The following PDE4B variants were observed in gnomAD, a reference collection of about 807,000 sequenced individuals.
PDE4B encodes the protein phosphodiesterase 4B, also known as 3',5'-cyclic-AMP phosphodiesterase 4B.
Under a neutral mutation model 82.2 loss-of-function variants are expected in PDE4B, and 20 were observed. The ratio of observed to expected loss-of-function variants is 0.24; its 90% CI spans 0.17 to 0.35. The LOEUF is 0.35. Ranked by LOEUF, PDE4B falls within the 10% of genes least tolerant of loss-of-function variation. PDE4B has a pLI of 1.00. For synonymous variants in PDE4B, 320 were observed against 318.9 expected (o/e 1.00, Z -0.04); for missense variants, 655 against 907.2 (o/e 0.72, Z 3.57).
At chr1:66,154,150 A>G (rs900768798) in intron 3 of PDE4B, among the ~76,000 whole-genome samples, 1 of 152,132 alleles carries the variant, frequency 6.6e-6, no homozygotes, top group Non-Finnish European at 1.5e-5. Context: ...CTTGGTCCCA[A>G]TAGCACCTCG....
chr1:66,099,135 G>A (rs578055309), intron 3 of PDE4B, among the ~76,000 whole-genome samples: 4 of 152,184 alleles, frequency 2.6e-5, no homozygotes, highest in Non-Finnish European at 2.9e-5. Flanking sequence ...ACCTAGGTAT[G>A]GCCCCAGTGT....
chr1:66,305,222 G>A (rs780234074), intron 7 of PDE4B, among the ~76,000 whole-genome samples: 2 of 152,082 alleles, frequency 1.3e-5, no homozygotes, highest in South Asian at 4.1e-4. Flanking sequence ...GTCTGTAATT[G>A]AGCTTAAAAT....
chr1:66,157,729 G>T (rs1197342448), intron 3 of PDE4B, among the ~76,000 whole-genome samples: 1 of 151,998 alleles, frequency 6.6e-6, no homozygotes, highest in Non-Finnish European at 1.5e-5. Context: ...ATTCCAAGAG[G>T]TTTGTTTTCT....
At chr1:65,925,341 A>G (rs1251426437) in intron 3 of PDE4B, among the ~76,000 whole-genome samples, 1 of 152,208 alleles carries the variant, frequency 6.6e-6, no homozygotes, top group Non-Finnish European at 1.5e-5. Flanking sequence ...ATTAAAAAAA[A>G]TTCCTTACTA....
intron 3 of PDE4B, among the ~76,000 whole-genome samples, chr1:66,226,289 G>T (rs1231217339): frequency 3.3e-5 from 3 of 90,936 alleles, no homozygotes; most frequent in Non-Finnish European, 8.3e-5. Flanking sequence ...TAGAGATATT[G>T]CAGGAACAAG....
At chr1:66,174,819 A>G (rs1646903003) in intron 3 of PDE4B, among the ~76,000 whole-genome samples, 1 of 152,104 alleles carries the variant, frequency 6.6e-6, no homozygotes, top group Non-Finnish European at 1.5e-5. Flanking sequence ...GGTAATTTAT[A>G]AAGAAAAGAG....
chr1:66,026,905 T>C (rs184976083), intron 3 of PDE4B, among the ~76,000 whole-genome samples: 1 of 152,234 alleles, frequency 6.6e-6, no homozygotes, highest in African/African-American at 2.4e-5. Context: ...AACATATGCC[T>C]GCAAAGGACT....
At chr1:65,796,955 AT>A (rs71058430) in intron 1 of PDE4B, among the ~76,000 whole-genome samples, 56,789 of 130,996 alleles carry the variant, frequency 0.43, 13,965 homozygotes, top group Non-Finnish European at 0.57. Flanking sequence ...AGCCTGAAAC[AT>A]TTTTTTTTTT....
intron 3 of PDE4B, among the ~76,000 whole-genome samples, chr1:66,098,842 T>C (rs1645165899): frequency 6.6e-6 from 1 of 152,126 alleles, no homozygotes; most frequent in Admixed American, 6.6e-5. Flanking sequence ...ATTATTGTGC[T>C]TTTAGCTTTC....
intron 3 of PDE4B, among the ~76,000 whole-genome samples, chr1:66,230,469 A>G (rs1039440589): frequency 2.0e-5 from 3 of 152,198 alleles, no homozygotes; most frequent in African/African-American, 7.2e-5. Flanking sequence ...TACAACTTTA[A>G]AAAATCAAAA....
intron 3 of PDE4B, among the ~76,000 whole-genome samples, chr1:65,953,388 G>A (rs905389501): frequency 6.6e-6 from 1 of 152,052 alleles, no homozygotes; most frequent in Non-Finnish European, 1.5e-5. Flanking sequence ...TTAAGTTCAG[G>A]GCTTGAGATG....
At chr1:66,242,671 T>C (rs1652978765) in intron 3 of PDE4B, among the ~76,000 whole-genome samples, 1 of 152,248 alleles carries the variant, frequency 6.6e-6, no homozygotes, top group Non-Finnish European at 1.5e-5. Context: ...ACTTGAATTC[T>C]AGGAAGTAGA....
At chr1:66,022,326 C>A (rs935790733) in intron 3 of PDE4B, among the ~76,000 whole-genome samples, 5 of 152,152 alleles carry the variant, frequency 3.3e-5, no homozygotes, top group African/African-American at 9.7e-5. Flanking sequence ...ATTGCCCTGG[C>A]CAGAACTTCC....
chr1:66,055,318 G>C (rs1384972421), intron 3 of PDE4B, among the ~76,000 whole-genome samples: 6 of 152,150 alleles, frequency 3.9e-5, no homozygotes, highest in Non-Finnish European at 8.8e-5. Context: ...ACTTTTGACT[G>C]GCATTTATTT....
intron 1 of PDE4B, among the ~76,000 whole-genome samples, chr1:65,793,478 G>A (rs1645597092): frequency 1.3e-5 from 2 of 152,184 alleles, no homozygotes; most frequent in Admixed American, 1.3e-4. Flanking sequence ...TTCGGCTTCC[G>A]CCCTTGGACC....
intron 3 of PDE4B, among the ~76,000 whole-genome samples, chr1:66,184,672 A>G (rs543137112): frequency 6.6e-6 from 1 of 152,320 alleles, no homozygotes; most frequent in Admixed American, 6.5e-5. Flanking sequence ...ACATAGCTTA[A>G]ATATAACGAG....
At chr1:65,835,214 T>C (rs776210284) in intron 1 of PDE4B, among the ~76,000 whole-genome samples, 1 of 152,184 alleles carries the variant, frequency 6.6e-6, no homozygotes, top group Non-Finnish European at 1.5e-5. Flanking sequence ...TATGCCTGCT[T>C]TGGCTGTTTC....
intron 3 of PDE4B, among the ~76,000 whole-genome samples, chr1:65,990,046 C>CT (rs1285761944): frequency 6.6e-6 from 1 of 151,460 alleles, no homozygotes; most frequent in Non-Finnish European, 1.5e-5. Context: ...GTATTCCTAT[C>CT]TTTTTTCTAG....
At chr1:66,010,982 T>C (rs1256297316) in intron 3 of PDE4B, among the ~76,000 whole-genome samples, 1 of 151,452 alleles carries the variant, frequency 6.6e-6, no homozygotes, top group Non-Finnish European at 1.5e-5. Context: ...ATAAGACTGA[T>C]CACAGAAGTA....
Sources: allele counts gnomAD v4.1 joint callset (sites outside exome capture counted in the v4.1 genomes callset), GRCh38; gene constraint gnomAD v4.1.1; transcripts MANE v1.5; gene names NCBI Gene and HGNC (gene_info 2026-07-23, HGNC 2026-07-21).